The following SORCS1 variants were observed in gnomAD, a reference collection of about 807,000 sequenced individuals.
The protein encoded by SORCS1 is VPS10 domain-containing receptor SorCS1.
SORCS1 carries 60 observed loss-of-function variants against 146.1 expected under a neutral mutation model. That is an observed-to-expected ratio of 0.41 (90% CI 0.33 to 0.51). The LOEUF is 0.51. SORCS1 is among the 20% of genes least tolerant of loss of function. SORCS1 has a pLI of 0.21. For missense variants in SORCS1, 1,352 were observed against 1,487.6 expected (o/e 0.91, Z 1.50); for synonymous variants, 637 against 584.0 (o/e 1.09, Z -1.31).
chr10:106,712,894 TC>T (rs1226566159), intron 6 of SORCS1, among the ~76,000 whole-genome samples: 1 of 152,210 alleles, frequency 6.6e-6, no homozygotes, highest in Non-Finnish European at 1.5e-5. Context: ...TCCATGTGAC[TC>T]AGAAGTTCCC....
intron 2 of SORCS1, among the ~76,000 whole-genome samples, chr10:106,916,812 C>T (rs1281491861): frequency 5.9e-5 from 9 of 152,014 alleles, no homozygotes; most frequent in African/African-American, 1.7e-4. Context: ...TGCAGTGGCA[C>T]GATCTCAGCT....
At position 106,745,305 on chromosome 10, in the gene SORCS1, G is replaced by A. The variant is rs534898890; in HGVS notation, c.960-15191C>T. Among the ~76,000 whole-genome samples the A allele has an allele frequency of 3.9e-4, 59 of 151,928 alleles. No homozygotes were observed. In the Middle Eastern group the frequency reaches 0.031, roughly 79 times the overall value. ...CAGGTGCCTGTAGTCCCAGCTACTC[G>A]GGAGGCTGAGGCAGGAGAATGGGTG... On this transcript the variant is annotated intron_variant, in intron 5 of 25. Transcript: ENST00000263054.
At chr10:106,957,362 G>A (rs1955012219) in intron 1 of SORCS1, among the ~76,000 whole-genome samples, 1 of 151,650 alleles carries the variant, frequency 6.6e-6, no homozygotes, top group African/African-American at 2.4e-5. Flanking sequence ...TTTAGAGATG[G>A]GGTTTCGCCA....
In SORCS1 at chr10:106,709,356, C is replaced by CA. The variant is rs1854782555; in HGVS notation, c.1025-16dup. On this transcript the variant is annotated splice_polypyrimidine_tract_variant and intron_variant, in intron 6 of 25. Transcript: ENST00000263054. ...ATAATGTGAATCTGAAAAACAAAAA[C>CA]AAAAACAAAAACATGGGGTTGAGGG... 1.3e-6 allele frequency: 2 copies of CA among 1,538,836 alleles called. No individual in the cohort carries two copies. Among genetic ancestry groups the CA allele is most frequent in the Non-Finnish European group, 1.8e-6 (2 of 1,115,322 alleles).
chr10:106,971,284 C>T (rs1424832643), intron 1 of SORCS1, among the ~76,000 whole-genome samples: 1 of 152,212 alleles, frequency 6.6e-6, no homozygotes, highest in African/African-American at 2.4e-5. Context: ...GCCCCATATC[C>T]TCTCAGAATT....
intron 1 of SORCS1, among the ~76,000 whole-genome samples, chr10:106,989,308 A>AT (rs1564894481): frequency 7.0e-6 from 1 of 142,100 alleles, no homozygotes; most frequent in Non-Finnish European, 1.5e-5. Context: ...GAATACTCCA[A>AT]TGCCTTTCCT....
intron 18 of SORCS1, among the ~76,000 whole-genome samples, chr10:106,638,021 G>A (rs1848829390): frequency 6.6e-6 from 1 of 152,086 alleles, no homozygotes; most frequent in African/African-American, 2.4e-5. Context: ...CTATGAGCTG[G>A]GGCCTCTGTA....
At chr10:106,820,455 C>T (rs1947964879) in intron 3 of SORCS1, among the ~76,000 whole-genome samples, 1 of 152,124 alleles carries the variant, frequency 6.6e-6, no homozygotes, top group East Asian at 1.9e-4. Context: ...GGGACAAAAC[C>T]ATCAAAAGAA....
chr10:107,113,341 G>C (rs1288061988), intron 1 of SORCS1, among the ~76,000 whole-genome samples: 1 of 152,118 alleles, frequency 6.6e-6, no homozygotes, highest in African/African-American at 2.4e-5. Flanking sequence ...AAATTTCTGA[G>C]ATGCAGCAAA....
intron 3 of SORCS1, among the ~76,000 whole-genome samples, chr10:106,815,602 G>A (rs1431919756): frequency 6.6e-6 from 1 of 152,172 alleles, no homozygotes; most frequent in Non-Finnish European, 1.5e-5. Context: ...TCTCCAGGGA[G>A]CCAGATGGCC....
chr10:106,723,101 G>A (rs145034889), intron 6 of SORCS1, among the ~76,000 whole-genome samples: 319 of 152,264 alleles, frequency 2.1e-3, no homozygotes, highest in African/African-American at 7.1e-3. Context: ...CAGGAGGATC[G>A]CTTGAGCCCA....
chr10:107,082,345 G>GT (rs1266085810), intron 1 of SORCS1, among the ~76,000 whole-genome samples: 2 of 152,100 alleles, frequency 1.3e-5, no homozygotes, highest in Admixed American at 6.6e-5. Context: ...TGCTTTTAAA[G>GT]TTTTTTGTTA....
upstream of SORCS1, among the ~76,000 whole-genome samples, chr10:107,164,959 C>T (rs1022276031): frequency 6.7e-6 from 1 of 150,346 alleles, no homozygotes; most frequent in South Asian, 2.1e-4. The surrounding 1 kb of genome is among the most constrained non-coding windows in gnomAD (Gnocchi z 6.8). Context: ...CCACTCTGCG[C>T]CCCCGCGGCC....
chr10:106,656,847 G>C (rs1268154942), intron 17 of SORCS1, among the ~76,000 whole-genome samples: 4 of 152,138 alleles, frequency 2.6e-5, no homozygotes, highest in Non-Finnish European at 5.9e-5. Context: ...TGATTTAATT[G>C]AGAATTATGG....
At chr10:106,884,123 T>C (rs1421720320) in intron 2 of SORCS1, among the ~76,000 whole-genome samples, 1 of 152,114 alleles carries the variant, frequency 6.6e-6, no homozygotes, top group Non-Finnish European at 1.5e-5. Context: ...TCTTTTCCTC[T>C]CTCCTTCTTT....
chr10:106,920,168 A>G (rs1182660714), intron 2 of SORCS1, among the ~76,000 whole-genome samples: 3 of 152,196 alleles, frequency 2.0e-5, no homozygotes, highest in Admixed American at 6.5e-5. Context: ...AGAAATGCAG[A>G]CAGTGAGCAC....
chr10:107,053,585 A>G (rs1800111238), intron 1 of SORCS1, among the ~76,000 whole-genome samples: 2 of 152,198 alleles, frequency 1.3e-5, no homozygotes, highest in Admixed American at 6.6e-5. Context: ...GTATCTTTGA[A>G]GAGTTACAAT....
rs182690787 is a variant in SORCS1, at chr10:106,662,493, C to G, written c.2303+5196G>C. On this transcript the variant is annotated intron_variant, in intron 17 of 25. Coordinates refer to ENST00000263054, the MANE Select transcript of SORCS1 (RefSeq NM_052918.5). ...GACAAATGAGGTGCCCAGGGAGCAA[C>G]ATTTATGAAGGGGCTCACTCTCTGG... is the stretch of plus-strand genomic sequence containing the variant. Among the ~76,000 whole-genome samples, 656 of 152,248 alleles carry G rather than the reference C, an allele frequency of 4.3e-3. 3 individuals are homozygous for G. The highest frequency in any genetic ancestry group is 0.015 in the African/African-American group (624 of 41,522).
At chr10:106,779,489 A>G (rs1299207268) in intron 3 of SORCS1, among the ~76,000 whole-genome samples, 1 of 147,900 alleles carries the variant, frequency 6.8e-6, no homozygotes, top group African/African-American at 2.5e-5. Flanking sequence ...TCTATATCCT[A>G]TTGTGGATTG....
Sources: gnomAD v4.1 joint callset for allele counts (sites outside exome capture counted in the v4.1 genomes callset) on GRCh38, gnomAD v4.1.1 for gene constraint, Gnocchi (gnomAD v3.1) non-coding constraint, MANE v1.5 for transcripts, NCBI Gene and HGNC (gene_info 2026-07-23, HGNC 2026-07-21) for gene names.